The following PFDN1 variants were observed in gnomAD, a reference collection of about 807,000 sequenced individuals.
PFDN1 encodes prefoldin 1.
In PFDN1, 6 loss-of-function variants were observed where a neutral mutation model predicts 17.3. The observed-to-expected ratio is 0.35, with a 90% CI of 0.19 to 0.69. The LOEUF is 0.69. PFDN1 is among the 30% of genes least tolerant of loss of function. The pLI is 0.65. For missense variants in PFDN1, 113 were observed against 146.2 expected, an observed-to-expected ratio of 0.77 and a Z score of 1.17; for synonymous variants, 58 against 50.1, an observed-to-expected ratio of 1.16 and a Z score of -0.67.
At position 140,246,037 on chromosome 5, in the gene PFDN1, C is replaced by T. The variant is rs935648704; in HGVS notation, c.306G>A (p.Glu102=). ...KELEQKKSYL[E]RSVKEAEDNI... ...TGTCCTCAGCTTCCTTAACGCTTCG[C>T]TCCAGGTAGGACTTTTTCTGCTGCA... The change falls in exon 4 of 4, where the codon GAG becomes GAA. Residue 102 remains glutamate, a synonymous_variant. Transcript: ENST00000261813. 1 of 1,560,746 alleles carries T rather than the reference C, an allele frequency of 6.4e-7. No homozygotes were observed. The highest frequency in any genetic ancestry group is 1.2e-5 in the South Asian group (1 of 84,788).
intron 2 of PFDN1, among the ~76,000 whole-genome samples, chr5:140,283,016 T>C (rs375259524): frequency 2.0e-4 from 31 of 152,276 alleles, no homozygotes; most frequent in African/African-American, 7.2e-4. Context: ...AAAACATCAT[T>C]GTGCCTAGGT....
intron 1 of PFDN1, among the ~76,000 whole-genome samples, chr5:140,302,779 G>A (rs1581102118): frequency 6.6e-6 from 1 of 152,190 alleles, no homozygotes; most frequent in East Asian, 1.9e-4. Flanking sequence ...AAATGTCTCT[G>A]GAGCTCAGAA....
At chr5:140,285,347 CAAA>C (rs59589577) in intron 2 of PFDN1, among the ~76,000 whole-genome samples, 5 of 88,890 alleles carry the variant, frequency 5.6e-5, no homozygotes, top group South Asian at 3.6e-4. Flanking sequence ...GACTCCATCT[CAAA>C]AAAAAAAAAA....
At chr5:140,250,852 C>T (rs1351352073) in intron 3 of PFDN1, among the ~76,000 whole-genome samples, 1 of 152,204 alleles carries the variant, frequency 6.6e-6, no homozygotes, top group African/African-American at 2.4e-5. Flanking sequence ...AGATTTAAAA[C>T]TCCAACCTAT....
chr5:140,303,066 G>A lies in PFDN1; in HGVS notation c.8C>T (p.Ala3Val). ...CTTCTTCAGCTCTAGATCCACGGGG[G>A]CGGCCATCTTGGTGCACTGTAAGCG... MA[A>V]PVDLELKKAF... Residue 3 changes from alanine (A) to valine (V), a missense_variant, in exon 1 of 4, where the codon GCC (alanine) becomes GTC (valine). Coordinates refer to ENST00000261813, the MANE Select transcript of PFDN1 (RefSeq NM_002622.5). 1.9e-6 allele frequency: 3 copies of A among 1,613,054 alleles called. No homozygotes were observed. The highest frequency in any genetic ancestry group is 2.2e-5 in the East Asian group (1 of 44,890).
chr5:140,287,373 T>C (rs903395936), intron 2 of PFDN1, among the ~76,000 whole-genome samples: 3 of 152,250 alleles, frequency 2.0e-5, no homozygotes, highest in African/African-American at 7.2e-5. Flanking sequence ...ACTGTAGATA[T>C]GTACATACAC....
intron 3 of PFDN1, among the ~76,000 whole-genome samples, chr5:140,260,088 A>G (rs753964396): frequency 5.3e-5 from 8 of 152,230 alleles, no homozygotes; most frequent in Non-Finnish European, 1.2e-4. Flanking sequence ...CTGTAATCCC[A>G]GCACTTTGGA....
chr5:140,257,031 G>C (rs979339998), intron 3 of PFDN1, among the ~76,000 whole-genome samples: 1 of 151,948 alleles, frequency 6.6e-6, no homozygotes, highest in African/African-American at 2.4e-5. Context: ...GACCAGCCTG[G>C]ACAACATGAT....
At chr5:140,256,957 C>T (rs1035130300) in intron 3 of PFDN1, among the ~76,000 whole-genome samples, 2 of 152,124 alleles carry the variant, frequency 1.3e-5, no homozygotes, top group Non-Finnish European at 2.9e-5. Context: ...TGGTGGCTCA[C>T]ACCTGTAATC....
intron 3 of PFDN1, among the ~76,000 whole-genome samples, chr5:140,256,406 A>G (rs988967101): frequency 6.6e-5 from 10 of 151,826 alleles, no homozygotes; most frequent in African/African-American, 2.2e-4. Flanking sequence ...AACAAAACCA[A>G]TACTCTCATC....
At chr5:140,282,317 C>A (rs1183087856) in intron 2 of PFDN1, among the ~76,000 whole-genome samples, 1 of 150,516 alleles carries the variant, frequency 6.6e-6, no homozygotes, top group East Asian at 1.9e-4. Flanking sequence ...CAAACAAATA[C>A]CCTATAAGTT....
At chr5:140,282,925 C>T (rs1369083919) in intron 2 of PFDN1, among the ~76,000 whole-genome samples, 3 of 152,158 alleles carry the variant, frequency 2.0e-5, no homozygotes, top group Non-Finnish European at 4.4e-5. Context: ...CAACAAAGAA[C>T]TAAACATCAT....
chr5:140,269,917 G>A (rs1225794659), intron 3 of PFDN1, among the ~76,000 whole-genome samples: 2 of 152,148 alleles, frequency 1.3e-5, no homozygotes, highest in African/African-American at 2.4e-5. Flanking sequence ...GGTAATGAAC[G>A]CTCTGTTGTA....
At chr5:140,300,854 A>G (rs1230861961) in intron 1 of PFDN1, among the ~76,000 whole-genome samples, 1 of 152,240 alleles carries the variant, frequency 6.6e-6, no homozygotes, top group Admixed American at 6.5e-5. Flanking sequence ...GAGTAGTAAA[A>G]GAAATAAATG....
At chr5:140,275,408 C>CA (rs34009092) in intron 3 of PFDN1, among the ~76,000 whole-genome samples, 29,792 of 106,336 alleles carry the variant, frequency 0.28, 3,547 homozygotes, top group South Asian at 0.49. Context: ...GACTCTGTCT[C>CA]AAAAAAAAAA....
chr5:140,260,888 A>G (rs1257555147), intron 3 of PFDN1, among the ~76,000 whole-genome samples: 1 of 152,048 alleles, frequency 6.6e-6, no homozygotes, highest in Non-Finnish European at 1.5e-5. Flanking sequence ...CGGGCCGGGC[A>G]CAATGGCTCA....
chr5:140,248,254 A>AG (rs1764861225), intron 3 of PFDN1, among the ~76,000 whole-genome samples: 1 of 151,940 alleles, frequency 6.6e-6, no homozygotes, highest in African/African-American at 2.4e-5. Flanking sequence ...TTTTTAGTAG[A>AG]GATGGGGTTT....
intron 2 of PFDN1, among the ~76,000 whole-genome samples, chr5:140,299,918 A>C (rs1226196058): frequency 6.6e-6 from 1 of 152,022 alleles, no homozygotes; most frequent in Non-Finnish European, 1.5e-5. Context: ...AGGCTGAAGC[A>C]GGGGAATCGC....
chr5:140,302,566 C>T (rs1349122708), intron 1 of PFDN1, among the ~76,000 whole-genome samples: 5 of 152,068 alleles, frequency 3.3e-5, no homozygotes, highest in Non-Finnish European at 5.9e-5. Flanking sequence ...CTTGGTTTTC[C>T]GAACTGTAGA....
Sources: gnomAD v4.1 joint callset for allele counts (sites outside exome capture counted in the v4.1 genomes callset) on GRCh38, gnomAD v4.1.1 for gene constraint, MANE v1.5 for transcripts, NCBI Gene and HGNC (gene_info 2026-07-23, HGNC 2026-07-21) for gene names.